Variants in TMEM132D observed in about 807,000 individuals in gnomAD.
TMEM132D encodes the protein transmembrane protein 132D, also known as mature OL transmembrane protein.
Under a neutral mutation model 62.3 loss-of-function variants are expected in TMEM132D, and 21 were observed. The ratio of observed to expected loss-of-function variants is 0.34; its 90% CI spans 0.24 to 0.49. The LOEUF (loss-of-function observed/expected upper bound fraction) is 0.49, where lower values mean the gene tolerates loss of function less well. Among genes scored for constraint, TMEM132D ranks in the 20% least tolerant of loss-of-function variants. The pLI is 0.99. For missense variants in TMEM132D, 1,346 were observed against 1,402.8 expected (o/e 0.96, Z 0.65); for synonymous variants, 621 against 575.6 (o/e 1.08, Z -1.13).
intron 2 of TMEM132D, among the ~76,000 whole-genome samples, chr12:129,653,374 A>G (rs1272591122): frequency 6.6e-6 from 1 of 152,198 alleles, no homozygotes; most frequent in Non-Finnish European, 1.5e-5. Context: ...GATGGATGGT[A>G]TGGGGCCCGT....
chr12:129,202,263 T>G (rs1431175341), intron 5 of TMEM132D, among the ~76,000 whole-genome samples: 1 of 152,188 alleles, frequency 6.6e-6, no homozygotes, highest in African/African-American at 2.4e-5. Flanking sequence ...GCTGCACAGG[T>G]GGCTGTGACA....
chr12:129,891,262 C>T (rs542711594), intron 1 of TMEM132D, among the ~76,000 whole-genome samples: 1 of 152,262 alleles, frequency 6.6e-6, no homozygotes, highest in East Asian at 1.9e-4. Context: ...TCTGGGTCCT[C>T]CTCACTGATC....
At chr12:129,130,015 CTGTGTGTG>C (rs59282376) in intron 5 of TMEM132D, among the ~76,000 whole-genome samples, 84 of 141,954 alleles carry the variant, frequency 5.9e-4, no homozygotes, top group South Asian at 2.8e-3. Flanking sequence ...AAGCTCTGCT[CTGTGTGTG>C]TGTGTGTGTG....
intron 2 of TMEM132D, among the ~76,000 whole-genome samples, chr12:129,676,610 G>A (rs1253248076): frequency 1.3e-5 from 2 of 152,182 alleles, no homozygotes; most frequent in Non-Finnish European, 2.9e-5. Flanking sequence ...CAGCTCTTGT[G>A]TGAACGAACA....
chr12:129,291,521 C>T (rs11060238), intron 4 of TMEM132D, among the ~76,000 whole-genome samples: 8,554 of 152,296 alleles, frequency 0.056, 325 homozygotes, highest in Admixed American at 0.088. Flanking sequence ...TCTTCCCTCT[C>T]CACCTGGATG....
At chr12:129,094,029 T>C (rs1875018169) in intron 5 of TMEM132D, among the ~76,000 whole-genome samples, 1 of 152,016 alleles carries the variant, frequency 6.6e-6, no homozygotes, top group Non-Finnish European at 1.5e-5. Context: ...CAAAAATTAA[T>C]TCAAGATGGA....
intron 3 of TMEM132D, among the ~76,000 whole-genome samples, chr12:129,415,311 C>T (rs943012482): frequency 6.6e-6 from 1 of 152,110 alleles, no homozygotes; most frequent in South Asian, 2.1e-4. Flanking sequence ...GCTTCCCTTT[C>T]CCCACATCGT....
rs189347484 is a variant in TMEM132D at position 129,582,722 on chromosome 12, G to A, written c.969-51517C>T. On this transcript the variant is annotated intron_variant, in intron 2 of 8. Transcript: ENST00000422113. ...CAACCTCCGCCTCCCGGGTTCAAGC[G>A]ATTCTCCTGCCTCACCTTCCCAAGT... Among the ~76,000 whole-genome samples the A allele has an allele frequency of 5.4e-3, 818 of 151,148 alleles. 11 individuals are homozygous for A. Among genetic ancestry groups the A allele is most frequent in the African/African-American group, 0.019 (781 of 41,116 alleles).
chr12:129,655,809 C>G (rs1880057395), intron 2 of TMEM132D, among the ~76,000 whole-genome samples: 1 of 152,202 alleles, frequency 6.6e-6, no homozygotes, highest in Non-Finnish European at 1.5e-5. Flanking sequence ...TGCATTTAGT[C>G]TTCTTTGGAT....
chr12:129,133,968 T>C (rs1412769695), intron 5 of TMEM132D, among the ~76,000 whole-genome samples: 1 of 152,192 alleles, frequency 6.6e-6, no homozygotes, highest in Non-Finnish European at 1.5e-5. Context: ...GGAGCCCACC[T>C]GAGCAAGAAG....
intron 3 of TMEM132D, among the ~76,000 whole-genome samples, chr12:129,507,498 T>C (rs1444224347): frequency 1.3e-5 from 2 of 152,096 alleles, no homozygotes; most frequent in Non-Finnish European, 2.9e-5. Flanking sequence ...AAGAAAGTGT[T>C]GCACATAAAT....
chr12:129,524,801 G>C (rs984003785), intron 3 of TMEM132D, among the ~76,000 whole-genome samples: 1 of 151,816 alleles, frequency 6.6e-6, no homozygotes, highest in African/African-American at 2.4e-5. Context: ...GTTGCAGTGA[G>C]CGGAGACTGC....
At chr12:129,224,074 T>A (rs1879418866) in intron 4 of TMEM132D, among the ~76,000 whole-genome samples, 1 of 152,108 alleles carries the variant, frequency 6.6e-6, no homozygotes, top group Admixed American at 6.5e-5. Flanking sequence ...ATCGCCAGTG[T>A]CTCCTGAGGG....
intron 3 of TMEM132D, among the ~76,000 whole-genome samples, chr12:129,490,225 A>AAAC (rs1469405296): frequency 2.6e-5 from 4 of 152,186 alleles, no homozygotes; most frequent in African/African-American, 9.7e-5. Flanking sequence ...AAACAAAACA[A>AAAC]AACAACAACA....
intron 4 of TMEM132D, among the ~76,000 whole-genome samples, chr12:129,228,098 C>A (rs1879532355): frequency 6.6e-6 from 1 of 152,156 alleles, no homozygotes; most frequent in Non-Finnish European, 1.5e-5. Context: ...TGGATGGTAA[C>A]AAAACATGGT....
chr12:129,721,555 G>A lies in TMEM132D; in HGVS notation c.80-20857C>T, dbSNP rs528468016. Among the ~76,000 whole-genome samples, 19 of 152,190 alleles carry A rather than the reference G, an allele frequency of 1.2e-4. No individual in the cohort carries two copies. The South Asian group carries it at 1.5e-3, about 12-fold the overall frequency. Reference sequence around the variant, plus strand: ...AGTGGGCAGAGGATGTGCTGCTGGCGCTCTAGGTGAGCAGCCCGTCCTCAC... The same window carrying A: ...AGTGGGCAGAGGATGTGCTGCTGGCACTCTAGGTGAGCAGCCCGTCCTCAC... On this transcript the variant is annotated intron_variant, in intron 1 of 8. Coordinates refer to ENST00000422113, the MANE Select transcript of TMEM132D (RefSeq NM_133448.3).
intron 4 of TMEM132D, among the ~76,000 whole-genome samples, chr12:129,275,517 C>G (rs556108914): frequency 1.9e-4 from 29 of 152,242 alleles, no homozygotes; most frequent in Middle Eastern, 3.4e-3. Flanking sequence ...CTAAAAAACA[C>G]AAACTACACG....
At chr12:129,246,566 G>T (rs546057338) in intron 4 of TMEM132D, among the ~76,000 whole-genome samples, 1 of 152,116 alleles carries the variant, frequency 6.6e-6, no homozygotes, top group Non-Finnish European at 1.5e-5. Flanking sequence ...GACCGGCCTG[G>T]CCAACATCGT....
chr12:129,647,121 C>CATATATATATATATAT (rs34158444), intron 2 of TMEM132D, among the ~76,000 whole-genome samples: 2 of 146,400 alleles, frequency 1.4e-5, no homozygotes, highest in East Asian at 2.0e-4. Flanking sequence ...TACATACATA[C>CATATATATATATATAT]ATATATATAT....
Sources: gnomAD v4.1 joint callset for allele counts (sites outside exome capture counted in the v4.1 genomes callset) on GRCh38, gnomAD v4.1.1 for gene constraint, MANE v1.5 for transcripts, NCBI Gene and HGNC (gene_info 2026-07-23, HGNC 2026-07-21) for gene names.